The following KCNJ16 variants were observed in gnomAD, a reference collection of about 807,000 sequenced individuals.
The protein encoded by KCNJ16 is potassium inwardly rectifying channel subfamily J member 16, also known as inward rectifier potassium channel 16.
Under a neutral mutation model 18.5 loss-of-function variants are expected in KCNJ16, and 15 were observed. The ratio of observed to expected loss-of-function variants is 0.81; its 90% CI spans 0.54 to 1.25. The LOEUF is 1.25. Among genes scored for constraint, KCNJ16 ranks in the 50% most tolerant of loss-of-function variants. The pLI is 0.00. For missense variants in KCNJ16, 523 were observed against 525.7 expected, an observed-to-expected ratio of 0.99 and a Z score of 0.05; for synonymous variants, 174 against 186.5, an observed-to-expected ratio of 0.93 and a Z score of 0.55.
intron 2 of KCNJ16, among the ~76,000 whole-genome samples, chr17:70,105,639 C>A (rs2072888943): frequency 6.6e-6 from 1 of 152,174 alleles, no homozygotes; most frequent in Admixed American, 6.5e-5. Flanking sequence ...AAGGTAACTT[C>A]AATAAATAAT....
chr17:70,093,727 T>C (rs1348956827), intron 1 of KCNJ16, among the ~76,000 whole-genome samples: 1 of 152,172 alleles, frequency 6.6e-6, no homozygotes, highest in East Asian at 1.9e-4. Flanking sequence ...TAATTCTTTC[T>C]TTTACTGTGC....
chr17:70,112,436 G>A (rs570958105), intron 2 of KCNJ16, among the ~76,000 whole-genome samples: 1 of 150,120 alleles, frequency 6.7e-6, no homozygotes, highest in Non-Finnish European at 1.5e-5. Context: ...GAGTTCAAAT[G>A]CCAATGATGT....
intron 2 of KCNJ16, among the ~76,000 whole-genome samples, chr17:70,104,581 T>C (rs974934498): frequency 5.3e-5 from 8 of 152,172 alleles, no homozygotes; most frequent in African/African-American, 1.7e-4. Context: ...TTGGAAGAGG[T>C]TGTACAAGAC....
At chr17:70,080,363 A>T (rs1250796451) in intron 1 of KCNJ16, among the ~76,000 whole-genome samples, 1 of 152,204 alleles carries the variant, frequency 6.6e-6, no homozygotes, top group Non-Finnish European at 1.5e-5. Context: ...AGAACTGAGT[A>T]ATTTTATGGA....
chr17:70,110,051 T>C (rs2073118877), intron 2 of KCNJ16, among the ~76,000 whole-genome samples: 1 of 152,206 alleles, frequency 6.6e-6, no homozygotes, highest in Non-Finnish European at 1.5e-5. Flanking sequence ...CATACTTTAA[T>C]CCTGTAAAGT....
chr17:70,098,011 A>C (rs1194703847), intron 1 of KCNJ16, among the ~76,000 whole-genome samples: 4 of 152,132 alleles, frequency 2.6e-5, no homozygotes, highest in Non-Finnish European at 5.9e-5. Context: ...CTCCTGATCA[A>C]AGCTCTTTAA....
rs1252901894 is a variant in KCNJ16, at chr17:70,081,964, G to C, written c.-300+6574G>C. Among the ~76,000 whole-genome samples the C allele has an allele frequency of 2.0e-5, 3 of 152,168 alleles. No homozygotes were observed. In the East Asian group the frequency reaches 5.8e-4, roughly 29 times the overall value. On this transcript the variant is annotated intron_variant, in intron 1 of 3. Transcript: ENST00000392671. ...CATTCAGTGACCATGCTGCCACTCA[G>C]TAAACAGAAGGTTGTTGTCTTTTAC...
chr17:70,114,189 A>G (rs970460264), intron 2 of KCNJ16, among the ~76,000 whole-genome samples: 2 of 152,188 alleles, frequency 1.3e-5, no homozygotes, highest in African/African-American at 2.4e-5. Flanking sequence ...AGCTTAAAAC[A>G]GAAACCCAAT....
At chr17:70,084,513 A>G (rs372121064) in intron 1 of KCNJ16, among the ~76,000 whole-genome samples, 1 of 152,168 alleles carries the variant, frequency 6.6e-6, no homozygotes, top group African/African-American at 2.4e-5. Flanking sequence ...TGACTATCTG[A>G]TGTTTGATTA....
chr17:70,103,588 T>A (rs1023827525), intron 2 of KCNJ16, among the ~76,000 whole-genome samples: 1 of 152,020 alleles, frequency 6.6e-6, no homozygotes, highest in African/African-American at 2.4e-5. Context: ...TTCCCAGACT[T>A]AAATTAGGCT....
intron 2 of KCNJ16, 116 bp from the exon 3 acceptor site, chr17:70,130,763 C>A: frequency 1.7e-6 from 1 of 582,442 alleles, no homozygotes; most frequent in South Asian, 2.3e-5. Flanking sequence ...TAAAGTCCCC[C>A]GTTATAATCC....
intron 2 of KCNJ16, chr17:70,108,369 G>A (rs2143960794): frequency 6.6e-6 from 1 of 152,296 alleles, no homozygotes; most frequent in African/African-American, 2.4e-5. Flanking sequence ...TCACGCAGTT[G>A]AGGTCAGGGA....
At chr17:70,131,042 C>T (rs947627606) in intron 3 of KCNJ16, 67 bp downstream of exon 3, 37 of 1,402,234 alleles carry the variant, frequency 2.6e-5, no homozygotes, top group Non-Finnish European at 9.8e-7. Context: ...ATTATTTTGC[C>T]TAAGGATGTC....
chr17:70,120,979 G>C (rs551143852), intron 2 of KCNJ16, among the ~76,000 whole-genome samples: 1 of 152,148 alleles, frequency 6.6e-6, no homozygotes, highest in African/African-American at 2.4e-5. Flanking sequence ...GAAGAGAGTG[G>C]GGATGCAGAC....
At chr17:70,095,421 A>G (rs897795544) in intron 1 of KCNJ16, among the ~76,000 whole-genome samples, 2 of 152,172 alleles carry the variant, frequency 1.3e-5, no homozygotes, top group African/African-American at 4.8e-5. Context: ...CCAACCAGAA[A>G]AAGAAAATGT....
intron 2 of KCNJ16, among the ~76,000 whole-genome samples, chr17:70,129,104 C>T (rs1347046524): frequency 2.0e-5 from 3 of 152,174 alleles, no homozygotes; most frequent in African/African-American, 4.8e-5. Context: ...AGTTATTCAC[C>T]CTCCACCCCG....
chr17:70,103,321 TAC>T (rs1321986647), intron 2 of KCNJ16, among the ~76,000 whole-genome samples: 3 of 44,486 alleles, frequency 6.7e-5, no homozygotes, highest in Non-Finnish European at 1.6e-4. Context: ...TATATATATA[TAC>T]ACACACATAT....
chr17:70,092,559 TGATAGATATAGATAG>T (rs2072159988), intron 1 of KCNJ16, among the ~76,000 whole-genome samples: 1 of 122,014 alleles, frequency 8.2e-6, no homozygotes, highest in African/African-American at 3.1e-5. Flanking sequence ...TATAGATAGA[TGATAGATATAGATAG>T]ATAGATAGAT....
At chr17:70,092,564 GAT>G (rs74269547) in intron 1 of KCNJ16, among the ~76,000 whole-genome samples, 35,208 of 93,040 alleles carry the variant, frequency 0.38, 4,657 homozygotes, top group Non-Finnish European at 0.43. Flanking sequence ...ATAGATGATA[GAT>G]ATAGATAGAT....
Sources: allele counts gnomAD v4.1 joint callset (sites outside exome capture counted in the v4.1 genomes callset), GRCh38; gene constraint gnomAD v4.1.1; transcripts MANE v1.5; gene names NCBI Gene and HGNC (gene_info 2026-07-23, HGNC 2026-07-21).